NRXN1: variants seen among roughly 807,000 people sequenced by gnomAD.
NRXN1 encodes neurexin 1, also known as neurexin-1.
In NRXN1, 39 loss-of-function variants were observed where a neutral mutation model predicts 150.9. The ratio of observed to expected loss-of-function variants is 0.26; its 90% CI spans 0.20 to 0.34. NRXN1 has a LOEUF of 0.34. NRXN1 is among the 10% of genes least tolerant of loss of function. NRXN1 has a pLI of 1.00. For synonymous variants in NRXN1, 924 were observed against 757.0 expected, an observed-to-expected ratio of 1.22 and a Z score of -3.62; for missense variants, 1,815 against 1,949.9, an observed-to-expected ratio of 0.93 and a Z score of 1.30.
At chr2:50,880,354 A>G (rs1679246059) in intron 5 of NRXN1, among the ~76,000 whole-genome samples, 1 of 151,954 alleles carries the variant, frequency 6.6e-6, no homozygotes, top group Non-Finnish European at 1.5e-5. Context: ...ACAATGTTAC[A>G]TTTCTTGCTT....
intron 18 of NRXN1, among the ~76,000 whole-genome samples, chr2:50,108,399 A>T (rs530064686): frequency 6.6e-6 from 1 of 152,132 alleles, no homozygotes; most frequent in East Asian, 1.9e-4. Flanking sequence ...GGTAACCATT[A>T]TTAAGATCAT....
At chr2:51,022,944 C>T (rs1278006710) in intron 2 of NRXN1, among the ~76,000 whole-genome samples, 3 of 152,122 alleles carry the variant, frequency 2.0e-5, no homozygotes, top group African/African-American at 7.2e-5. Flanking sequence ...ATGGGTGTAT[C>T]TGCAGGAAAC....
chr2:50,697,172 A>C (rs965006924), intron 5 of NRXN1, among the ~76,000 whole-genome samples: 2 of 152,216 alleles, frequency 1.3e-5, no homozygotes, highest in African/African-American at 2.4e-5. Context: ...CTTTACAGGG[A>C]ATATTTTGCA....
At chr2:50,269,637 A>G (rs2069322312) in intron 17 of NRXN1, among the ~76,000 whole-genome samples, 1 of 152,230 alleles carries the variant, frequency 6.6e-6, no homozygotes, top group Non-Finnish European at 1.5e-5. Flanking sequence ...ATATGTTTTT[A>G]AAAAGAAAGA....
At chr2:50,356,570 T>A (rs2078835103) in intron 17 of NRXN1, among the ~76,000 whole-genome samples, 3 of 152,198 alleles carry the variant, frequency 2.0e-5, no homozygotes, top group African/African-American at 7.2e-5. Flanking sequence ...CGGAGAACTG[T>A]GTGTTTATCT....
intron 5 of NRXN1, among the ~76,000 whole-genome samples, chr2:50,787,617 A>G (rs1574475776): frequency 6.6e-6 from 1 of 151,842 alleles, no homozygotes; most frequent in African/African-American, 2.4e-5. Flanking sequence ...AAACAAGAAA[A>G]CAGAAAATCC....
chr2:51,030,535 A>AACAC (rs57434663), intron 1 of NRXN1, among the ~76,000 whole-genome samples: 2,096 of 145,314 alleles, frequency 0.014, 23 homozygotes, highest in African/African-American at 0.035. Flanking sequence ...TCTCTCTTTC[A>AACAC]ACACACACAC....
At chr2:50,132,651 G>A (rs1304493357) in intron 18 of NRXN1, among the ~76,000 whole-genome samples, 3 of 151,900 alleles carry the variant, frequency 2.0e-5, no homozygotes, top group African/African-American at 4.8e-5. Context: ...AATTGGGGGA[G>A]GACAGAGACA....
chr2:50,632,201 C>A (rs1295562374), intron 5 of NRXN1: 1 of 151,870 alleles, frequency 6.6e-6, no homozygotes, highest in East Asian at 1.9e-4. Flanking sequence ...TAACCAAACC[C>A]CAAAGAATAG....
At chr2:50,688,608 G>C (rs1428382175) in intron 5 of NRXN1, among the ~76,000 whole-genome samples, 2 of 152,124 alleles carry the variant, frequency 1.3e-5, no homozygotes, top group African/African-American at 4.8e-5. Context: ...GATTTCTCAT[G>C]TTCTAACAAA....
At chr2:50,696,990 G>A (rs1204510951) in intron 5 of NRXN1, among the ~76,000 whole-genome samples, 1 of 151,976 alleles carries the variant, frequency 6.6e-6, no homozygotes, top group Non-Finnish European at 1.5e-5. Context: ...TTGTCTCATT[G>A]AGAGCATATT....
intron 2 of NRXN1, among the ~76,000 whole-genome samples, chr2:50,954,904 A>C (rs1044033458): frequency 6.6e-6 from 1 of 152,170 alleles, no homozygotes; most frequent in African/African-American, 2.4e-5. Context: ...CAGGACCTGG[A>C]GAGATTGGTG....
chr2:50,495,369 T>TGTGTGTGTG, intron 15 of NRXN1, among the ~76,000 whole-genome samples: 1 of 7,102 alleles, frequency 1.4e-4, no homozygotes, highest in Non-Finnish European at 3.7e-4. Context: ...TGTGTGTGTG[T>TGTGTGTGTG]GTGTGTGTGT....
chr2:50,994,352 G>GA (rs543610774), intron 2 of NRXN1, among the ~76,000 whole-genome samples: 2 of 151,956 alleles, frequency 1.3e-5, no homozygotes, highest in East Asian at 3.9e-4. Context: ...CTTATTAAAA[G>GA]AAAAAATACA....
intron 2 of NRXN1, among the ~76,000 whole-genome samples, chr2:50,929,727 G>A (rs1054639453): frequency 1.7e-4 from 26 of 151,956 alleles, no homozygotes; most frequent in South Asian, 6.2e-4. Context: ...CGTCTCTCTC[G>A]CCCATCACAT....
chr2:50,474,228 A>G (rs935767761), intron 15 of NRXN1, among the ~76,000 whole-genome samples: 1 of 151,882 alleles, frequency 6.6e-6, no homozygotes, highest in Non-Finnish European at 1.5e-5. Context: ...TAGTTGCCTC[A>G]GAGAAAGGAT....
chr2:50,780,502 C>T (rs1704222940), intron 5 of NRXN1, among the ~76,000 whole-genome samples: 1 of 152,028 alleles, frequency 6.6e-6, no homozygotes, highest in Non-Finnish European at 1.5e-5. Context: ...ACAATAATGG[C>T]ATGGTCATCC....
rs1667281913 is a variant in NRXN1 at position 50,550,510 on chromosome 2, C to A, written c.1759+2077G>T. Among the ~76,000 whole-genome samples, 3 of 151,512 alleles carry A rather than the reference C, an allele frequency of 2.0e-5. No individual in the cohort carries two copies. The South Asian group carries it at 6.3e-4, about 32-fold the overall frequency. On this transcript the variant is annotated intron_variant, in intron 9 of 22. Coordinates refer to ENST00000401669, the MANE Select transcript of NRXN1 (RefSeq NM_001330078.2). Reference sequence around the variant, plus strand: ...TAATATTTCAAAGCACTACATAAGCCCATGCCCACGCCACTTCAAAATTCT... The same window carrying A: ...TAATATTTCAAAGCACTACATAAGCACATGCCCACGCCACTTCAAAATTCT...
chr2:49,963,050 A>G (rs1052432517), intron 21 of NRXN1, among the ~76,000 whole-genome samples: 1 of 152,196 alleles, frequency 6.6e-6, no homozygotes, highest in Non-Finnish European at 1.5e-5. Context: ...GATTCACTAA[A>G]AATTAAATAT....
Sources: allele counts gnomAD v4.1 joint callset (sites outside exome capture counted in the v4.1 genomes callset), GRCh38; gene constraint gnomAD v4.1.1; transcripts MANE v1.5; gene names NCBI Gene and HGNC (gene_info 2026-07-23, HGNC 2026-07-21).